ARHGAP33: variants seen among roughly 807,000 people sequenced by gnomAD.
The protein encoded by ARHGAP33 is Rho GTPase activating protein 33.
In ARHGAP33, 57 loss-of-function variants were observed where a neutral mutation model predicts 126.2. That is an observed-to-expected ratio of 0.45 (90% CI 0.36 to 0.56). The LOEUF (loss-of-function observed/expected upper bound fraction) is 0.56. Among genes scored for constraint, ARHGAP33 ranks in the 20% least tolerant of loss-of-function variants. The probability of loss-of-function intolerance (pLI) is 0.00; values close to 1 mark genes in which losing one functional copy is unlikely to be tolerated. For missense variants in ARHGAP33, 1,500 were observed against 1,748.3 expected (o/e 0.86, Z 2.53); for synonymous variants, 711 against 755.0 (o/e 0.94, Z 0.95).
At chr19:35,776,414 T>C (rs1971463257) in intron 1 of ARHGAP33, among the ~76,000 whole-genome samples, 1 of 151,852 alleles carries the variant, frequency 6.6e-6, no homozygotes, top group African/African-American at 2.4e-5. Context: ...GGCCCCACGC[T>C]CCAGGCACAG....
At position 35,785,034 on chromosome 19, in the gene ARHGAP33, C is replaced by A. The variant is rs1161163153; in HGVS notation, c.1649C>A (p.Ala550Glu). 2 of 1,552,130 alleles carry A rather than the reference C, an allele frequency of 1.3e-6. No homozygotes were observed. The highest frequency in any genetic ancestry group is 2.7e-5 in the African/African-American group (2 of 73,216). ...TRLLTLEEAQ[A>E]RTQGRLGTPT... is the part of the protein sequence containing the mutation. ...CTGCTGACGCTGGAGGAAGCCCAGG[C>A]ACGCACCCAGGGCCGGCTGGGGACG... is the stretch of plus-strand genomic sequence containing the variant. Residue 550 changes from alanine to glutamate, a missense_variant, in exon 17 of 21, where the codon GCA becomes GAA. Ala to Glu is a moderately radical substitution (Grantham distance 107, BLOSUM62 -1). Around this residue, in one of 6 missense-constraint regions of ARHGAP33, gnomAD observed 300 missense variants for 291.1 expected, o/e 1.03. Coordinates refer to ENST00000007510, the MANE Select transcript of ARHGAP33 (RefSeq NM_001366178.1).
rs1198627900 is a variant in ARHGAP33, at chr19:35,777,728, G to T, written c.90G>T (p.Gly30=). The change falls in exon 2 of 21, where the codon GGG becomes GGT. Residue 30 remains glycine, a synonymous_variant. Transcript: ENST00000007510. ...LPTAGGPSVK[G]KPGKRLSAPR... ...CTGCTGGGGGGCCCAGTGTGAAGGG[G>T]AAGCCTGGGAAGAGGTGAGGGTGAG... The T allele has an allele frequency of 6.2e-7, 1 of 1,610,888 alleles. No individual in the cohort carries two copies.
At chr19:35,781,302 C>G in intron 12 of ARHGAP33, 50 bp downstream of exon 12, 1 of 1,567,964 alleles carries the variant, frequency 6.4e-7, no homozygotes, top group South Asian at 1.1e-5. Context: ...CACCCAGCAC[C>G]TCCACTCCAG....
rs769992667 is a variant in ARHGAP33 at position 35,787,198 on chromosome 19, C to A, written c.2633C>A (p.Pro878His). 1 of 1,611,038 alleles carries A rather than the reference C, an allele frequency of 6.2e-7. No homozygotes were observed. The highest frequency in any genetic ancestry group is 8.5e-7 in the Non-Finnish European group (1 of 1,179,064). Residue 878 changes from proline (P) to histidine (H), a missense_variant, in exon 21 of 21, where the codon CCT becomes CAT. Physicochemically the swap from Pro to His is moderately conservative, Grantham distance 77. This residue lies in a region of ARHGAP33 where 642 missense variants were observed against 634.0 expected (regional missense o/e 1.01). Transcript: ENST00000007510. ...GATATGGAGTCACCACTGCCACCCC[C>A]TCCCCTGTCTCTCCTGCGCCCTGGG... Reference protein sequence around the residue: ...GPDMESPLPPPPLSLLRPGGA... With the variant: ...GPDMESPLPPHPLSLLRPGGA...
chr19:35,775,729 C>A, intron 1 of ARHGAP33, 65 bp downstream of exon 1: 1 of 1,424,330 alleles, frequency 7.0e-7, no homozygotes, highest in Admixed American at 2.5e-5. Flanking sequence ...CGCAGCCCCG[C>A]CCCGCGCGCC....
chr19:35,779,297 TGTGTGTGTGTGCAC>T (rs1362726744), intron 6 of ARHGAP33, 173 bp downstream of exon 6: 3 of 572,316 alleles, frequency 5.2e-6, no homozygotes, highest in South Asian at 2.1e-5. Flanking sequence ...TGTGTGAGCA[TGTGTGTGTGTGCAC>T]GTGTGTGTGT....
At position 35,787,990 on chromosome 19, in the gene ARHGAP33, C is replaced by T. The variant is rs772798707; in HGVS notation, c.3425C>T (p.Pro1142Leu). 7.8e-6 allele frequency: 12 copies of T among 1,546,230 alleles called. No homozygotes were observed. In the East Asian group the frequency reaches 2.1e-4, roughly 27 times the overall value. The change falls in exon 21 of 21, where the codon CCC (proline) becomes CTC (leucine). Residue 1142 changes from proline to leucine, a missense_variant. By Grantham distance (98) the Pro-to-Leu change is moderately conservative. Around this residue, in one of 6 missense-constraint regions of ARHGAP33, gnomAD observed 642 missense variants for 634.0 expected, o/e 1.01. Coordinates refer to ENST00000007510, the MANE Select transcript of ARHGAP33 (RefSeq NM_001366178.1). ...TTCCTGCTCAGCTACCCGCCAGCCC[C>T]CTCCTGCTTTCCCCCTGACCACCTT... ...PDFLLSYPPAPSCFPPDHLGY... is the reference protein window; with the variant it reads ...PDFLLSYPPALSCFPPDHLGY...
In ARHGAP33 at chr19:35,788,318, G is replaced by T; in HGVS notation, c.3753G>T (p.Gly1251=). 2 of 1,609,070 alleles carry T rather than the reference G, an allele frequency of 1.2e-6. No homozygotes were observed. Among genetic ancestry groups the T allele is most frequent in the Non-Finnish European group, 1.7e-6 (2 of 1,178,552 alleles). ...AYGRGGELHR[G]SLYRNGGQRG... is the part of the protein sequence containing the mutation. ...GAAGGGGGGGCGAGCTCCACCGAGG[G>T]TCCTTGTACAGAAATGGAGGGCAAA... The change falls in exon 21 of 21, where the codon GGG becomes GGT. Residue 1251 remains glycine, a synonymous_variant. Transcript: ENST00000007510.
At chr19:35,784,560 T>TG in intron 16 of ARHGAP33, 1 of 1,309,058 alleles carries the variant, frequency 7.6e-7, no homozygotes, top group Non-Finnish European at 9.7e-7. Context: ...TTGTAGCTCC[T>TG]GGGGGCGCTT....
chr19:35,784,400 C>G (rs770321581), intron 16 of ARHGAP33, 83 bp downstream of exon 16: 62 of 1,451,376 alleles, frequency 4.3e-5, no homozygotes, highest in Non-Finnish European at 4.0e-5. Context: ...GCTCCCAGTC[C>G]CGTCCCCACC....
Position 35,787,786 on chromosome 19 carries a change from G to A in ARHGAP33, c.3221G>A (p.Gly1074Asp), listed in dbSNP as rs1972200818. ...SPAPVWRSSL[G>D]PPAPLDRGEN... ...GCCCCAGTCTGGAGGAGCTCTCTGG[G>A]CCCCCCTGCACCACTCGACAGGGGA... is the stretch of plus-strand genomic sequence containing the variant. The change falls in exon 21 of 21, where the codon GGC becomes GAC. Residue 1074 changes from glycine to aspartate, a missense_variant. By Grantham distance (94) the Gly-to-Asp change is moderately conservative (BLOSUM62 -1). This residue lies in a region of ARHGAP33 where 642 missense variants were observed against 634.0 expected (regional missense o/e 1.01). Coordinates refer to ENST00000007510, the MANE Select transcript of ARHGAP33 (RefSeq NM_001366178.1). The A allele has an allele frequency of 6.3e-7, 1 of 1,582,472 alleles. No homozygotes were observed. Among genetic ancestry groups the A allele is most frequent in the Non-Finnish European group, 8.6e-7 (1 of 1,169,116 alleles).
Position 35,786,538 on chromosome 19 carries a change from G to A in ARHGAP33, c.2068G>A (p.Glu690Lys), listed in dbSNP as rs1417274591. Residue 690 changes from glutamate (E) to lysine (K), a missense_variant, in exon 20 of 21, where the codon GAG becomes AAG. Coordinates refer to ENST00000007510, the MANE Select transcript of ARHGAP33 (RefSeq NM_001366178.1). The surrounding 1 kb of genome is among the most constrained non-coding windows in gnomAD (Gnocchi z 7.0). The stretch of plus-strand genomic sequence containing the variant: ...CTCCTCCTCCGAGTCCTCCTCCTCT[G>A]AGTCCTCCTCTTCCTCCTCTGAGTC... ...SSSSSESSSSESSSSSSESSA... is the reference protein window; with the variant it reads ...SSSSSESSSSKSSSSSSESSA... 1.2e-5 allele frequency: 18 copies of A among 1,535,924 alleles called. No homozygotes were observed. The highest frequency in any genetic ancestry group is 1.6e-5 in the Non-Finnish European group (18 of 1,146,810).
Position 35,780,799 on chromosome 19 carries a change from T to C in ARHGAP33, c.812T>C (p.Ile271Thr), listed in dbSNP as rs1483247752. 1.2e-6 allele frequency: 2 copies of C among 1,613,850 alleles called. No homozygotes were observed. The highest frequency in any genetic ancestry group is 2.7e-5 in the African/African-American group (2 of 74,890). Residue 271 changes from isoleucine to threonine, a missense_variant, in exon 10 of 21, where the codon ATC becomes ACC. Ile to Thr is a moderately conservative substitution (Grantham distance 89). This residue lies in a region of ARHGAP33 where 281 missense variants were observed against 413.7 expected (regional missense o/e 0.68). Transcript: ENST00000007510. ...PPCGIPAPQG[I>T]SSLTSAVPRP... is the part of the protein sequence containing the mutation. ...TGTGGCATCCCGGCTCCCCAGGGTA[T>C]CTCGTCTCTGACCTCAGGTAATAGA...
rs1972239037 is a variant in ARHGAP33 at position 35,788,336 on chromosome 19, A to G, written c.3771A>G (p.Gly1257=). 6.2e-7 allele frequency: 1 copy of G among 1,607,054 alleles called. No homozygotes were observed. The highest frequency in any genetic ancestry group is 2.2e-5 in the East Asian group (1 of 44,662). Reference sequence around the variant, plus strand: ...ACCGAGGGTCCTTGTACAGAAATGGAGGGCAAAGAGGGGAGGGGGCTGGTC... The same window carrying G: ...ACCGAGGGTCCTTGTACAGAAATGGGGGGCAAAGAGGGGAGGGGGCTGGTC... ...ELHRGSLYRN[G]GQRGEGAGPP... Residue 1257 remains glycine, a synonymous_variant, in exon 21 of 21, where the codon GGA becomes GGG. Coordinates refer to ENST00000007510, the MANE Select transcript of ARHGAP33 (RefSeq NM_001366178.1).
In ARHGAP33 at chr19:35,787,351, C is replaced by A. The variant is rs1972173395; in HGVS notation, c.2786C>A (p.Ser929Tyr). The change falls in exon 21 of 21, where the codon TCC becomes TAC. Residue 929 changes from serine to tyrosine, a missense_variant. Ser to Tyr is a moderately radical substitution (Grantham distance 144). Coordinates refer to ENST00000007510, the MANE Select transcript of ARHGAP33 (RefSeq NM_001366178.1). ...ECGGTPPASQ[S>Y]PFHRSLSLEV... The stretch of plus-strand genomic sequence containing the variant: ...GGGGGCACCCCACCTGCTTCCCAAT[C>A]CCCCTTCCACCGCTCGCTGTCTCTG... 2 of 1,609,754 alleles carry A rather than the reference C, an allele frequency of 1.2e-6. No individual in the cohort carries two copies. Among genetic ancestry groups the A allele is most frequent in the Non-Finnish European group, 1.7e-6 (2 of 1,177,880 alleles).
intron 7 of ARHGAP33, 38 bp downstream of exon 7, chr19:35,780,371 C>T (rs369356055): frequency 1.2e-5 from 19 of 1,611,768 alleles, no homozygotes; most frequent in East Asian, 4.5e-5. Context: ...CTGGGCTCCC[C>T]ACACCCCCTG....
intron 15 of ARHGAP33, among the ~76,000 whole-genome samples, chr19:35,783,888 G>C (rs1300749576): frequency 6.6e-6 from 1 of 150,656 alleles, no homozygotes; most frequent in African/African-American, 2.4e-5. Flanking sequence ...TGGGCCAGAT[G>C]GGGGGCAGTG....
chr19:35,778,503 C>G lies in ARHGAP33; in HGVS notation c.310C>G (p.Arg104Gly). The change falls in exon 5 of 21, where the codon CGT becomes GGT. Residue 104 changes from arginine (R) to glycine (G), a missense_variant. Around this residue, in one of 6 missense-constraint regions of ARHGAP33, gnomAD observed 129 missense variants for 145.9 expected, o/e 0.88. Transcript: ENST00000007510. ...WPVLRSYDDF[R>G]SLDAHLHRCI... ...GGTTCTCCGGAGTTACGATGACTTT[C>G]GTTCCCTGGATGCCCACCTCCACCG... 1 of 1,614,214 alleles carries G rather than the reference C, an allele frequency of 6.2e-7. No individual in the cohort carries two copies. Among genetic ancestry groups the G allele is most frequent in the Non-Finnish European group, 8.5e-7 (1 of 1,180,046 alleles).
rs76022628 is a variant in ARHGAP33, at chr19:35,779,282, G to C, written c.501+158G>C. 4,790 of 610,472 alleles carry C rather than the reference G, an allele frequency of 7.8e-3. 308 individuals are homozygous for C. The East Asian group carries it at 0.12, about 16-fold the overall frequency. 37.8% of individuals were successfully genotyped at this position (610,472 alleles called of 1,614,324 possible). A position where few individuals can be genotyped will look rare whatever the true frequency, so the allele number is the denominator to read the frequency against. On this transcript the variant is annotated intron_variant, in intron 6 of 20. Coordinates refer to ENST00000007510, the MANE Select transcript of ARHGAP33 (RefSeq NM_001366178.1). Reference sequence around the variant, plus strand: ...TCTGTGTGGGCGCATGCCTGTGAGAGAATGTGTGTGAGCATGTGTGTGTGT... The same window carrying C: ...TCTGTGTGGGCGCATGCCTGTGAGACAATGTGTGTGAGCATGTGTGTGTGT...
Sources: allele counts gnomAD v4.1 joint callset (sites outside exome capture counted in the v4.1 genomes callset), GRCh38; gene constraint gnomAD v4.1.1; regional missense constraint gnomAD v4.1.1; non-coding constraint Gnocchi (gnomAD v3.1); transcripts MANE v1.5; gene names NCBI Gene and HGNC (gene_info 2026-07-23, HGNC 2026-07-21).